Variants in UGT1A6 observed in about 807,000 individuals in gnomAD.
The protein encoded by UGT1A6 is UDP-glucuronosyltransferase 1A6.
UGT1A6 carries 32 observed loss-of-function variants against 44.4 expected under a neutral mutation model. The ratio of observed to expected loss-of-function variants is 0.72; its 90% CI spans 0.54 to 0.97. The LOEUF is 0.97. Among genes scored for constraint, UGT1A6 ranks in the 50% least tolerant of loss-of-function variants. The pLI is 0.00. For synonymous variants in UGT1A6, 238 were observed against 248.5 expected (o/e 0.96, Z 0.40); for missense variants, 685 against 661.9 (o/e 1.03, Z -0.38).
chr2:233,705,587 A>T (rs1466841331), intron 1 of UGT1A6, among the ~76,000 whole-genome samples: 1 of 152,138 alleles, frequency 6.6e-6, no homozygotes, highest in Non-Finnish European at 1.5e-5. Context: ...TGGTTTATGG[A>T]TCTGGGAAAG....
intron 1 of UGT1A6, among the ~76,000 whole-genome samples, chr2:233,698,699 A>T (rs2075456064): frequency 6.6e-6 from 1 of 152,252 alleles, no homozygotes; most frequent in Non-Finnish European, 1.5e-5. Flanking sequence ...TCTAAAAAAA[A>T]TGTGCAAAGC....
chr2:233,694,924 A>C (rs17864690), intron 1 of UGT1A6, among the ~76,000 whole-genome samples: 9,219 of 152,270 alleles, frequency 0.061, 475 homozygotes, highest in African/African-American at 0.14. Flanking sequence ...ATGTGCGATG[A>C]TCAAATCAGG....
chr2:233,726,185 T>C (rs2077513858), intron 1 of UGT1A6, among the ~76,000 whole-genome samples: 1 of 152,162 alleles, frequency 6.6e-6, no homozygotes, highest in South Asian at 2.1e-4. Flanking sequence ...AAAATTTCTT[T>C]GGCATATGGA....
intron 1 of UGT1A6, among the ~76,000 whole-genome samples, chr2:233,703,700 T>A (rs1405224643): frequency 6.6e-6 from 1 of 152,198 alleles, no homozygotes; most frequent in Admixed American, 6.5e-5. Flanking sequence ...CATTTAACTT[T>A]GTAAAATTTA....
At chr2:233,735,180 T>C (rs1028765761) in intron 1 of UGT1A6, among the ~76,000 whole-genome samples, 1 of 148,186 alleles carries the variant, frequency 6.7e-6, no homozygotes, top group Non-Finnish European at 1.5e-5. Flanking sequence ...AGAACTTGCT[T>C]TATGAATCTA....
intron 3 of UGT1A6, 135 bp downstream of exon 3, chr2:233,768,071 G>C: frequency 6.3e-7 from 1 of 1,595,002 alleles, no homozygotes; most frequent in Admixed American, 1.8e-5. Context: ...TTTATCTAGT[G>C]GGGTATCTCA....
At chr2:233,694,151 C>G (rs2075202420) in intron 1 of UGT1A6, among the ~76,000 whole-genome samples, 1 of 152,102 alleles carries the variant, frequency 6.6e-6, no homozygotes. Context: ...TAGAAATGTC[C>G]CAGTTCAAAC....
At chr2:233,767,261 T>C in intron 2 of UGT1A6, 96 bp downstream of exon 2, 1 of 1,590,062 alleles carries the variant, frequency 6.3e-7, no homozygotes, top group Non-Finnish European at 8.5e-7. Context: ...ATTGGAACCT[T>C]AGATTTGGCT....
intron 2 of UGT1A6, 126 bp from the exon 3 acceptor site, chr2:233,767,723 C>T: frequency 1.3e-6 from 2 of 1,549,102 alleles, no homozygotes; most frequent in Non-Finnish European, 1.7e-6. Context: ...TTCACAGTTA[C>T]TGATCCTCCC....
intron 1 of UGT1A6, among the ~76,000 whole-genome samples, chr2:233,749,653 G>T (rs1694241075): frequency 1.3e-5 from 2 of 151,820 alleles, no homozygotes; most frequent in Admixed American, 6.5e-5. Context: ...ATCTTGAATT[G>T]TAATCCCCAT....
chr2:233,749,994 T>C (rs551997072), intron 1 of UGT1A6, among the ~76,000 whole-genome samples: 1 of 151,898 alleles, frequency 6.6e-6, no homozygotes, highest in South Asian at 2.1e-4. Context: ...GACTAATATA[T>C]TAAATTGGTG....
At position 233,743,134 on chromosome 2, in the gene UGT1A6, TA is replaced by T. The variant is rs919324462; in HGVS notation, c.862-23893del. 39 of 357,156 alleles carry T rather than the reference TA, an allele frequency of 1.1e-4. 1 individual carries two copies. The highest frequency in any genetic ancestry group is 8.0e-4 in the African/African-American group (37 of 46,406). 22.1% of individuals were successfully genotyped at this position (357,156 alleles called of 1,614,324 possible). Reference sequence around the variant, plus strand: ...TGAAAGTAAAGTTCACTTTCAATCCTAAAAAAAGTCCGCTATTCCTCCAGAT... The same window carrying T: ...TGAAAGTAAAGTTCACTTTCAATCCTAAAAAAGTCCGCTATTCCTCCAGAT... On this transcript the variant is annotated intron_variant, in intron 1 of 4. Coordinates refer to ENST00000305139, the MANE Select transcript of UGT1A6 (RefSeq NM_001072.4).
chr2:233,703,301 T>C (rs2075730919), intron 1 of UGT1A6, among the ~76,000 whole-genome samples: 1 of 150,038 alleles, frequency 6.7e-6, no homozygotes, highest in Non-Finnish European at 1.5e-5. Flanking sequence ...ATTCCCTCTT[T>C]CATTTCATAT....
At chr2:233,743,509 G>C (rs199947040) in intron 1 of UGT1A6, 86 of 1,367,152 alleles carry the variant, frequency 6.3e-5, no homozygotes, top group East Asian at 2.3e-4. Context: ...GGGTGCAGAC[G>C]CTCTGCTTCT....
chr2:233,756,378 T>C (rs367582243), intron 1 of UGT1A6: 2 of 152,250 alleles, frequency 1.3e-5, no homozygotes, highest in South Asian at 2.1e-4. Flanking sequence ...GCTATGTAAA[T>C]AGTTGTTTTA....
rs777238544 is a variant in UGT1A6, at chr2:233,768,345, A to G, written c.1207A>G (p.Met403Val). ...FGDQMDNAKRMETKGAGVTLN... is the reference protein window; with the variant it reads ...FGDQMDNAKRVETKGAGVTLN... ...TGATCAGATGGACAATGCAAAGCGC[A>G]TGGAGACTAAGGGAGCTGGAGTGAC... Residue 403 changes from methionine (M) to valine (V), a missense_variant, in exon 4 of 5, where the codon ATG (methionine) becomes GTG (valine). Coordinates refer to ENST00000305139, the MANE Select transcript of UGT1A6 (RefSeq NM_001072.4). 3 of 1,614,098 alleles carry G rather than the reference A, an allele frequency of 1.9e-6. No individual in the cohort carries two copies. Among genetic ancestry groups the G allele is most frequent in the Non-Finnish European group, 2.5e-6 (3 of 1,180,044 alleles).
At chr2:233,707,968 C>T (rs2075997413) in intron 1 of UGT1A6, among the ~76,000 whole-genome samples, 2 of 152,302 alleles carry the variant, frequency 1.3e-5, no homozygotes, top group Admixed American at 1.3e-4. Flanking sequence ...CCATTCAAGT[C>T]TATTGCCCAC....
At chr2:233,764,507 T>C (rs1318099994) in intron 1 of UGT1A6, among the ~76,000 whole-genome samples, 1 of 152,320 alleles carries the variant, frequency 6.6e-6, no homozygotes, top group Non-Finnish European at 1.5e-5. Flanking sequence ...GGGTTCAATT[T>C]TGTGTGAATC....
chr2:233,708,499 C>T (rs1169356976), intron 1 of UGT1A6: 1 of 152,226 alleles, frequency 6.6e-6, no homozygotes, highest in Non-Finnish European at 1.5e-5. Flanking sequence ...TGCTTATAAT[C>T]CCAGCACTTT....
Sources: gnomAD v4.1 joint callset for allele counts (sites outside exome capture counted in the v4.1 genomes callset) on GRCh38, gnomAD v4.1.1 for gene constraint, MANE v1.5 for transcripts, NCBI Gene and HGNC (gene_info 2026-07-23, HGNC 2026-07-21) for gene names.